TMEM132C: variants seen among roughly 807,000 people sequenced by gnomAD.
TMEM132C encodes transmembrane protein 132C, also known as protein phosphatase 1, regulatory subunit 152.
A neutral mutation model predicts 61.4 loss-of-function variants in TMEM132C; 29 were observed. The observed-to-expected ratio is 0.47, with a 90% CI of 0.35 to 0.64. The LOEUF (loss-of-function observed/expected upper bound fraction) is 0.64, where lower values mean the gene tolerates loss of function less well. Among genes scored for constraint, TMEM132C ranks in the 30% least tolerant of loss-of-function variants. The probability of loss-of-function intolerance (pLI) is 0.00; values close to 1 mark genes in which losing one functional copy is unlikely to be tolerated. For synonymous variants in TMEM132C, 656 were observed against 633.1 expected, an observed-to-expected ratio of 1.04 and a Z score of -0.54; for missense variants, 1,408 against 1,476.9, an observed-to-expected ratio of 0.95 and a Z score of 0.76.
At chr12:128,696,729 T>A (rs1478786428) in intron 7 of TMEM132C, among the ~76,000 whole-genome samples, 1 of 152,184 alleles carries the variant, frequency 6.6e-6, no homozygotes, top group Non-Finnish European at 1.5e-5. Context: ...GTTAGCACAT[T>A]CCCGTCATTT....
intron 5 of TMEM132C, among the ~76,000 whole-genome samples, chr12:128,672,303 C>T (rs530210173): frequency 1.3e-5 from 2 of 152,032 alleles, no homozygotes; most frequent in South Asian, 2.1e-4. Flanking sequence ...TTTGCAAGCC[C>T]CCTAAAAGCC....
intron 1 of TMEM132C, among the ~76,000 whole-genome samples, chr12:128,306,818 G>T (rs1871799331): frequency 6.6e-6 from 1 of 152,144 alleles, no homozygotes; most frequent in South Asian, 2.1e-4. Flanking sequence ...GTAAATTATT[G>T]CTGAAATGTG....
intron 2 of TMEM132C, among the ~76,000 whole-genome samples, chr12:128,541,151 T>C (rs1873733724): frequency 6.6e-6 from 1 of 152,168 alleles, no homozygotes; most frequent in Admixed American, 6.5e-5. Context: ...CATTTACTTA[T>C]GTTGACTGGT....
At chr12:128,626,457 A>ATTTTATTTTTATTTTTTTTT (rs1954017857) in intron 4 of TMEM132C, among the ~76,000 whole-genome samples, 1 of 120,008 alleles carries the variant, frequency 8.3e-6, no homozygotes. Context: ...TTTTATTTTT[A>ATTTTATTTTTATTTTTTTTT]TTTTTGAGAT....
chr12:128,362,889 C>T (rs2135973447), intron 1 of TMEM132C, among the ~76,000 whole-genome samples: 1 of 152,276 alleles, frequency 6.6e-6, no homozygotes, highest in South Asian at 2.1e-4. Flanking sequence ...AACCACAAAG[C>T]CTCTGAAAAT....
chr12:128,562,271 G>A (rs147075567), intron 3 of TMEM132C, among the ~76,000 whole-genome samples: 162 of 152,286 alleles, frequency 1.1e-3, no homozygotes, highest in African/African-American at 3.6e-3. Flanking sequence ...AAAGCGGTAC[G>A]AAAAGAGACA....
chr12:128,693,462 T>A (rs1954734283), intron 5 of TMEM132C, among the ~76,000 whole-genome samples: 1 of 152,190 alleles, frequency 6.6e-6, no homozygotes, highest in Non-Finnish European at 1.5e-5. Flanking sequence ...GGGCAAGCCC[T>A]CAACCAGTAG....
At chr12:128,285,697 C>G (rs1329086566) in intron 1 of TMEM132C, among the ~76,000 whole-genome samples, 2 of 150,388 alleles carry the variant, frequency 1.3e-5, no homozygotes, top group Admixed American at 1.3e-4. Context: ...CTCCCCATCT[C>G]TATCCCTCTG....
chr12:128,530,885 ATAGAT>A (rs1446009087), intron 2 of TMEM132C, among the ~76,000 whole-genome samples: 1 of 152,280 alleles, frequency 6.6e-6, no homozygotes, highest in Non-Finnish European at 1.5e-5. Context: ...TGTTTCTAAC[ATAGAT>A]TAATGTGTAC....
chr12:128,572,606 C>T (rs1214295746), intron 3 of TMEM132C, among the ~76,000 whole-genome samples: 1 of 151,190 alleles, frequency 6.6e-6, no homozygotes, highest in Admixed American at 6.6e-5. Context: ...CATGCCCAGA[C>T]CTGGGTCACA....
intron 4 of TMEM132C, among the ~76,000 whole-genome samples, chr12:128,650,188 C>T (rs763504306): frequency 6.6e-6 from 1 of 152,156 alleles, no homozygotes; most frequent in Non-Finnish European, 1.5e-5. Context: ...AGGAATGAGG[C>T]TTGTTTTTAA....
At chr12:128,649,976 G>A (rs1263103326) in intron 4 of TMEM132C, among the ~76,000 whole-genome samples, 1 of 152,208 alleles carries the variant, frequency 6.6e-6, no homozygotes, top group East Asian at 1.9e-4. Context: ...TTTCCCTGCA[G>A]TGACAGCCCA....
chr12:128,329,767 C>A (rs1434686059), intron 1 of TMEM132C, among the ~76,000 whole-genome samples: 1 of 152,082 alleles, frequency 6.6e-6, no homozygotes, highest in Admixed American at 6.6e-5. Context: ...ATGTGGAGAC[C>A]ATTAAGCTGG....
chr12:128,602,775 C>T (rs1054142056), intron 3 of TMEM132C, among the ~76,000 whole-genome samples: 17 of 152,212 alleles, frequency 1.1e-4, no homozygotes, highest in African/African-American at 3.1e-4. Flanking sequence ...AGGGCTTTAA[C>T]GTCCTGGGGA....
chr12:128,377,959 G>C (rs1020134692), intron 1 of TMEM132C, among the ~76,000 whole-genome samples: 18 of 152,116 alleles, frequency 1.2e-4, no homozygotes, highest in African/African-American at 4.3e-4. Flanking sequence ...CCATGGACAA[G>C]TTATTTGTGC....
intron 7 of TMEM132C, among the ~76,000 whole-genome samples, chr12:128,696,451 A>G (rs1273040772): frequency 6.6e-6 from 1 of 152,140 alleles, no homozygotes; most frequent in Non-Finnish European, 1.5e-5. Context: ...GGTCTTCTCT[A>G]TGTACCACTT....
Position 128,705,469 on chromosome 12 carries a change from C to G in TMEM132C, c.2501C>G (p.Thr834Arg). 3 of 1,550,996 alleles carry G rather than the reference C, an allele frequency of 1.9e-6. No individual in the cohort carries two copies. The highest frequency in any genetic ancestry group is 1.7e-6 in the Non-Finnish European group (2 of 1,146,810). ...RRQKGQHHERTGQDGHLYGSS... is the reference protein window; with the variant it reads ...RRQKGQHHERRGQDGHLYGSS... Reference sequence around the variant, plus strand: ...CAGAAGGGCCAGCACCATGAGCGCACAGGCCAAGATGGGCACCTCTATGGC... The same window carrying G: ...CAGAAGGGCCAGCACCATGAGCGCAGAGGCCAAGATGGGCACCTCTATGGC... Residue 834 changes from threonine to arginine, a missense_variant, in exon 9 of 9, where the codon ACA (threonine) becomes AGA (arginine). By Grantham distance (71) the Thr-to-Arg change is moderately conservative. Coordinates refer to ENST00000435159, the MANE Select transcript of TMEM132C (RefSeq NM_001136103.3).
At chr12:128,563,764 T>G (rs1874601198) in intron 3 of TMEM132C, among the ~76,000 whole-genome samples, 1 of 152,226 alleles carries the variant, frequency 6.6e-6, no homozygotes, top group Non-Finnish European at 1.5e-5. Context: ...AGCTTAGAAC[T>G]GTGCTTGACG....
chr12:128,523,811 GAA>G (rs1555229605), intron 2 of TMEM132C, among the ~76,000 whole-genome samples: 4 of 100,108 alleles, frequency 4.0e-5, no homozygotes, highest in Non-Finnish European at 4.3e-5. Flanking sequence ...ACAAGCCCAG[GAA>G]AAAAAAAAAA....
Sources: gnomAD v4.1 joint callset for allele counts (sites outside exome capture counted in the v4.1 genomes callset) on GRCh38, gnomAD v4.1.1 for gene constraint, MANE v1.5 for transcripts, NCBI Gene and HGNC (gene_info 2026-07-23, HGNC 2026-07-21) for gene names.